The following ZNF718 variants were observed in gnomAD, a reference collection of about 807,000 sequenced individuals.
ZNF718 encodes zinc finger protein 718.
Under a neutral mutation model 2.6 loss-of-function variants are expected in ZNF718, and 3 were observed. The ratio of observed to expected loss-of-function variants is 1.16; its 90% CI spans 0.53 to 3.01. The LOEUF is 3.01. ZNF718 is among the 30% of genes most tolerant of loss of function. The pLI is 0.03. For missense variants in ZNF718, 468 were observed against 230.0 expected (o/e 2.03, Z -6.69); for synonymous variants, 135 against 77.9 (o/e 1.73, Z -3.86).
intron 3 of ZNF718, among the ~76,000 whole-genome samples, chr4:156,239 A>G (rs1356524036): frequency 8.9e-6 from 1 of 112,640 alleles, no homozygotes; most frequent in Admixed American, 9.3e-5. Context: ...TATTTCCAAT[A>G]TAAGTCTCTG....
At chr4:198,052 G>A (rs1717827212) in intron 3 of ZNF718, among the ~76,000 whole-genome samples, 1 of 152,126 alleles carries the variant, frequency 6.6e-6, no homozygotes, top group Non-Finnish European at 1.5e-5. Context: ...TCCCCACACA[G>A]CCTCACCAAC....
At chr4:139,625 C>CAT (rs1715723014) in intron 3 of ZNF718, among the ~76,000 whole-genome samples, 1 of 152,216 alleles carries the variant, frequency 6.6e-6, no homozygotes, top group Non-Finnish European at 1.5e-5. Context: ...TAAATCACTT[C>CAT]ATGCCTTCCT....
In ZNF718 at chr4:196,945, A is replaced by G. The variant is rs567195587; in HGVS notation, c.227-4136A>G. On this transcript the variant is annotated intron_variant and NMD_transcript_variant, in intron 3 of 4. Coordinates refer to the ZNF718 transcript ENST00000642529. ...TTACTCACTGCTTTGGAGAATCCCC[A>G]TATGAGGCCACTAAATGTTATGGGC... 7.9e-5 allele frequency among the ~76,000 whole-genome samples: 12 copies of G among 151,058 alleles called. 1 individual carries two copies. In the South Asian group the frequency reaches 2.5e-3, roughly 32 times the overall value.
intron 3 of ZNF718, among the ~76,000 whole-genome samples, chr4:193,552 A>G (rs1206630065): frequency 9.9e-5 from 15 of 152,148 alleles, no homozygotes; most frequent in Non-Finnish European, 1.8e-4. Flanking sequence ...TTAGAAAGGC[A>G]TGTGAAAAGA....
In ZNF718 at chr4:163,831, C is replaced by G. The variant is rs1717014715; in HGVS notation, c.*1709C>G. 1 of 151,874 alleles carries G rather than the reference C, an allele frequency of 6.6e-6. No homozygotes were observed. The highest frequency in any genetic ancestry group is 1.5e-5 in the Non-Finnish European group (1 of 67,950). 9.4% of individuals were successfully genotyped at this position (151,874 alleles called of 1,614,324 possible). On this transcript the variant is annotated 3_prime_UTR_variant, in exon 4 of 4. Coordinates refer to ENST00000510175, the MANE Select transcript of ZNF718 (RefSeq NM_001039127.6). ...AGCAAATAAGTTGAAGAATATTGTT[C>G]TCATGTTAAATTTTTATTATTTTTT...
intron 3 of ZNF718, among the ~76,000 whole-genome samples, chr4:170,437 G>A (rs1184371498): frequency 6.6e-6 from 1 of 152,292 alleles, no homozygotes; most frequent in African/African-American, 2.4e-5. Flanking sequence ...ATATCCTGCA[G>A]AGTGTTTTCC....
intron 3 of ZNF718, among the ~76,000 whole-genome samples, chr4:183,499 A>G (rs182234051): frequency 6.6e-6 from 1 of 152,272 alleles, no homozygotes; most frequent in East Asian, 1.9e-4. Context: ...TTTTGGTTCC[A>G]TATGAATTTT....
chr4:156,559 T>C lies in ZNF718; in HGVS notation c.227-4353T>C, dbSNP rs147104643. ...CAGTCATATTATATTGACATTGTTA[T>C]GCATTGTATCTCTAGAATGTGTCTT... is the stretch of plus-strand genomic sequence containing the variant. On this transcript the variant is annotated intron_variant, in intron 3 of 3. Coordinates refer to ENST00000510175, the MANE Select transcript of ZNF718 (RefSeq NM_001039127.6). 8.5e-3 allele frequency among the ~76,000 whole-genome samples: 1,296 copies of C among 152,324 alleles called. 18 individuals carry two copies. Among genetic ancestry groups the C allele is most frequent in the Middle Eastern group, 0.061 (18 of 294 alleles).
chr4:193,075 CTA>C (rs1161520820), intron 3 of ZNF718, among the ~76,000 whole-genome samples: 1 of 152,168 alleles, frequency 6.6e-6, no homozygotes, highest in Non-Finnish European at 1.5e-5. Flanking sequence ...GGGGAGGAAA[CTA>C]TGTCCTTGTG....
intron 3 of ZNF718, among the ~76,000 whole-genome samples, chr4:198,124 C>A (rs1717828449): frequency 6.6e-6 from 1 of 152,176 alleles, no homozygotes. Flanking sequence ...CATGACATAG[C>A]TGCAGAAGAT....
At chr4:185,905 G>T (rs1304688053) in intron 3 of ZNF718, among the ~76,000 whole-genome samples, 1 of 152,022 alleles carries the variant, frequency 6.6e-6, no homozygotes, top group Non-Finnish European at 1.5e-5. Flanking sequence ...TGTGAGATGG[G>T]TCTTTTGAAG....
chr4:199,867 C>T (rs190653947), intron 3 of ZNF718, among the ~76,000 whole-genome samples: 2 of 152,254 alleles, frequency 1.3e-5, no homozygotes, highest in African/African-American at 4.8e-5. Context: ...ACCTACAGAC[C>T]TGTTTTGTTT....
At chr4:175,065 A>C (rs576224898) in intron 3 of ZNF718, among the ~76,000 whole-genome samples, 1 of 152,322 alleles carries the variant, frequency 6.6e-6, no homozygotes, top group East Asian at 1.9e-4. Flanking sequence ...TTGAAATCCT[A>C]TATGAGAGAT....
intron 3 of ZNF718, chr4:149,816 CTT>C (rs1716235469): frequency 6.6e-6 from 1 of 152,074 alleles, no homozygotes; most frequent in African/African-American, 2.4e-5. Flanking sequence ...GAGACAAACA[CTT>C]TTGCAATTTG....
In ZNF718 at chr4:161,398, G is replaced by T. The variant is rs572525020; in HGVS notation, c.713G>T (p.Arg238Leu). 3.8e-6 allele frequency: 3 copies of T among 779,458 alleles called. No individual in the cohort carries two copies. In the South Asian group the frequency reaches 4.0e-5, roughly 10 times the overall value. 48.3% of individuals were successfully genotyped at this position (779,458 alleles called of 1,614,324 possible). ...KCEECGKGFTRSSHLTKHKRI... is the reference protein window; with the variant it reads ...KCEECGKGFTLSSHLTKHKRI... Reference sequence around the variant, plus strand: ...GAAGAATGTGGTAAAGGCTTTACTCGGTCCTCACACCTTACTAAACATAAG... The same window carrying T: ...GAAGAATGTGGTAAAGGCTTTACTCTGTCCTCACACCTTACTAAACATAAG... The change falls in exon 4 of 4, where the codon CGG becomes CTG. Residue 238 changes from arginine (R) to leucine (L), a missense_variant. By Grantham distance (102) the Arg-to-Leu change is moderately radical. Transcript: ENST00000510175.
intron 3 of ZNF718, among the ~76,000 whole-genome samples, chr4:184,439 T>A (rs1553820238): frequency 6.6e-6 from 1 of 152,188 alleles, no homozygotes; most frequent in Non-Finnish European, 1.5e-5. Context: ...TTTGCATCCA[T>A]GTTTATCAAT....
chr4:153,719 A>G (rs1716439860), intron 3 of ZNF718, among the ~76,000 whole-genome samples: 1 of 152,202 alleles, frequency 6.6e-6, no homozygotes, highest in Non-Finnish European at 1.5e-5. Context: ...CAAATTAGGT[A>G]TAGATGGTAT....
chr4:179,513 A>T lies in ZNF718; in HGVS notation c.227-21568A>T, dbSNP rs946862487. Among the ~76,000 whole-genome samples, 3 of 152,308 alleles carry T rather than the reference A, an allele frequency of 2.0e-5. No individual in the cohort carries two copies. The East Asian group carries it at 5.8e-4, about 29-fold the overall frequency. On this transcript the variant is annotated intron_variant and NMD_transcript_variant, in intron 3 of 4. Transcript: ENST00000642529. ...AACAATACTAAGTCTCCTGACTGAGAAATGTATGTGTATGTTTATGTCTGT... is the reference window on the plus strand; with the variant it reads ...AACAATACTAAGTCTCCTGACTGAGTAATGTATGTGTATGTTTATGTCTGT...
At chr4:172,765 C>T (rs1376784438) in intron 3 of ZNF718, among the ~76,000 whole-genome samples, 1 of 151,834 alleles carries the variant, frequency 6.6e-6, no homozygotes, top group Non-Finnish European at 1.5e-5. Context: ...ATGTATAAAA[C>T]ATGATACATG....
Sources: allele counts gnomAD v4.1 joint callset (sites outside exome capture counted in the v4.1 genomes callset), GRCh38; gene constraint gnomAD v4.1.1; transcripts MANE v1.5; gene names NCBI Gene and HGNC (gene_info 2026-07-23, HGNC 2026-07-21).